Variants in MARK3 observed in about 807,000 individuals in gnomAD.
MARK3 encodes MAP/microtubule affinity-regulating kinase 3.
In MARK3, 46 loss-of-function variants were observed where a neutral mutation model predicts 90.1. That is an observed-to-expected ratio of 0.51 (90% CI 0.40 to 0.65). The LOEUF is 0.65. Among genes scored for constraint, MARK3 ranks in the 30% least tolerant of loss-of-function variants. The probability of loss-of-function intolerance (pLI) is 0.00; values close to 1 mark genes in which losing one functional copy is unlikely to be tolerated. For missense variants in MARK3, 818 were observed against 947.2 expected, an observed-to-expected ratio of 0.86 and a Z score of 1.79; for synonymous variants, 321 against 332.6, an observed-to-expected ratio of 0.97 and a Z score of 0.38.
At chr14:103,392,913 G>A (rs933512743) in intron 1 of MARK3, among the ~76,000 whole-genome samples, 13 of 151,232 alleles carry the variant, frequency 8.6e-5, no homozygotes, top group African/African-American at 2.7e-4. Context: ...GGGTTCAAGC[G>A]ATTCTCCTGC....
Position 103,451,921 on chromosome 14 carries a change from A to G in MARK3, c.350A>G (p.Lys117Arg), listed in dbSNP as rs753672663. ...CGTGTCCTCTCCTCTCCCGCAGTGA[A>G]GTTATTCGAAGTCATTGAAACTGAA... ...MKILNHPNIVKLFEVIETEKT... is the reference protein window; with the variant it reads ...MKILNHPNIVRLFEVIETEKT... The change falls in exon 5 of 18, where the codon AAG (lysine) becomes AGG (arginine). Residue 117 changes from lysine (K) to arginine (R), a missense_variant. Physicochemically the swap from Lys to Arg is conservative, Grantham distance 26. This residue lies in a region of MARK3 where 157 missense variants were observed against 158.7 expected (regional missense o/e 0.99). Coordinates refer to ENST00000429436, the MANE Select transcript of MARK3 (RefSeq NM_001128918.3). The G allele has an allele frequency of 1.2e-6, 2 of 1,610,166 alleles. No homozygotes were observed. Among genetic ancestry groups the G allele is most frequent in the Non-Finnish European group, 1.7e-6 (2 of 1,177,276 alleles).
rs146206775 is a variant in MARK3 at position 103,466,742 on chromosome 14, C to T, written c.997+300C>T. ...ATTTCTGGCCGGGCGTGGTGGCTCACGCCTGTAATCCCAGCACTTTGGGAG... is the reference window on the plus strand; with the variant it reads ...ATTTCTGGCCGGGCGTGGTGGCTCATGCCTGTAATCCCAGCACTTTGGGAG... On this transcript the variant is annotated intron_variant, in intron 10 of 17. Coordinates refer to ENST00000429436, the MANE Select transcript of MARK3 (RefSeq NM_001128918.3). 7.1e-3 allele frequency among the ~76,000 whole-genome samples: 1,084 copies of T among 152,070 alleles called. 4 individuals carry two copies. Among genetic ancestry groups the T allele is most frequent in the South Asian group, 0.028 (135 of 4,814 alleles).
chr14:103,458,662 A>C (rs558690465), intron 6 of MARK3: 2 of 634,068 alleles, frequency 3.2e-6, no homozygotes, highest in East Asian at 5.7e-5. Context: ...CAAGGCCTAC[A>C]TTGAAATGGA....
Position 103,386,080 on chromosome 14 carries a change from C to G in MARK3, c.51C>G (p.Asn17Lys), listed in dbSNP as rs1319306809. The G allele has an allele frequency of 3.1e-6, 5 of 1,614,096 alleles. No homozygotes were observed. Among genetic ancestry groups the G allele is most frequent in the Non-Finnish European group, 3.4e-6 (4 of 1,179,902 alleles). ...CGGTGAATGAACGAGACACTGAAAA[C>G]GTAAGTAACCTGGGCGTTGTAGTTG... ...LPTVNERDTE[N>K]HTSHGDGRQE... Residue 17 changes from asparagine (N) to lysine (K), a missense_variant and splice_region_variant, in exon 1 of 18, where the codon AAC becomes AAG. Asn to Lys is a moderately conservative substitution (Grantham distance 94, BLOSUM62 0). Coordinates refer to ENST00000429436, the MANE Select transcript of MARK3 (RefSeq NM_001128918.3).
chr14:103,475,203 TCC>T lies in MARK3; in HGVS notation c.1477_1478del (p.Pro493Ter). 2 of 1,612,880 alleles carry T rather than the reference TCC, an allele frequency of 1.2e-6. No individual in the cohort carries two copies. Among genetic ancestry groups the T allele is most frequent in the Non-Finnish European group, 1.7e-6 (2 of 1,179,882 alleles). On this transcript the variant is annotated frameshift_variant, in exon 13 of 18. Transcript: ENST00000429436. LOFTEE classifies it high-confidence loss of function. Reference sequence around the variant, plus strand: ...CCTGAACGCAAGAAAAGCTCCACTGTCCCTAGTGTAAGTGTTGTTGAACTATA... The same window carrying T: ...CCTGAACGCAAGAAAAGCTCCACTGTCTAGTGTAAGTGTTGTTGAACTATA...
chr14:103,449,857 C>T (rs185565384), intron 4 of MARK3, among the ~76,000 whole-genome samples: 33 of 152,140 alleles, frequency 2.2e-4, no homozygotes, highest in Admixed American at 5.2e-4. Flanking sequence ...TTAAGACAGC[C>T]CATAATCAGC....
chr14:103,414,005 G>A (rs766974610), intron 2 of MARK3, among the ~76,000 whole-genome samples: 19 of 152,144 alleles, frequency 1.2e-4, no homozygotes, highest in African/African-American at 3.4e-4. Flanking sequence ...TAGAACTCCT[G>A]TACAGGTTTT....
chr14:103,421,121 G>A (rs2092201749), intron 2 of MARK3, among the ~76,000 whole-genome samples: 1 of 152,306 alleles, frequency 6.6e-6, no homozygotes, highest in South Asian at 2.1e-4. Flanking sequence ...GCTTTACAAA[G>A]AAGATGCACG....
chr14:103,477,507 A>C (rs1490062230), intron 13 of MARK3, among the ~76,000 whole-genome samples: 2 of 152,072 alleles, frequency 1.3e-5, no homozygotes, highest in Non-Finnish European at 2.9e-5. Context: ...ATAAAAAAAA[A>C]AGTCCATAGC....
rs774692178 is a variant in MARK3, at chr14:103,480,421, A to T, written c.1517A>T (p.Asn506Ile). The T allele has an allele frequency of 6.2e-7, 1 of 1,613,682 alleles. No homozygotes were observed. The highest frequency in any genetic ancestry group is 1.1e-5 in the South Asian group (1 of 91,026). The change falls in exon 14 of 18, where the codon AAT (asparagine) becomes ATT (isoleucine). Residue 506 changes from asparagine (N) to isoleucine (I), a missense_variant. Asn to Ile is a moderately radical substitution (Grantham distance 149). Coordinates refer to ENST00000429436, the MANE Select transcript of MARK3 (RefSeq NM_001128918.3). ...NTASGGMTRR[N>I]TYVCSERTTA... ...GCATCTGGTGGAATGACACGACGAAATACTTATGTTTGCAGTGAGAGAACT... is the reference window on the plus strand; with the variant it reads ...GCATCTGGTGGAATGACACGACGAATTACTTATGTTTGCAGTGAGAGAACT...
intron 14 of MARK3, among the ~76,000 whole-genome samples, chr14:103,480,823 C>T (rs2093806212): frequency 2.6e-5 from 4 of 152,138 alleles, no homozygotes; most frequent in Admixed American, 2.6e-4. Flanking sequence ...TCATTAATAA[C>T]TTGAACAAAA....
At chr14:103,455,815 T>C (rs1382793463) in intron 5 of MARK3, among the ~76,000 whole-genome samples, 1 of 151,734 alleles carries the variant, frequency 6.6e-6, no homozygotes, top group Non-Finnish European at 1.5e-5. Context: ...TCTTTCAGAG[T>C]TAGGGTTAAT....
chr14:103,458,470 A>G (rs1035407757), intron 6 of MARK3, among the ~76,000 whole-genome samples: 1 of 147,534 alleles, frequency 6.8e-6, no homozygotes, highest in African/African-American at 2.5e-5. Context: ...AAAAAAAAAA[A>G]AAAAAGAAGC....
intron 15 of MARK3, among the ~76,000 whole-genome samples, chr14:103,494,644 C>CT (rs1277845879): frequency 2.0e-5 from 3 of 150,198 alleles, no homozygotes; most frequent in Non-Finnish European, 4.4e-5. Flanking sequence ...TCAGCTACCT[C>CT]TTTTTTTTTC....
At chr14:103,396,463 A>G (rs1262401696) in intron 1 of MARK3, among the ~76,000 whole-genome samples, 1 of 151,420 alleles carries the variant, frequency 6.6e-6, no homozygotes, top group Non-Finnish European at 1.5e-5. Context: ...TTTCATATTA[A>G]TGGAGTTTGG....
Position 103,503,223 on chromosome 14 carries a change from T to C in MARK3, c.2258T>C (p.Leu753Pro). ...IASKIANELK[L>P] ...TCCAAAATTGCCAATGAGCTAAAGCTGTAACCCAGTGATTATGATGTAAAT... is the reference window on the plus strand; with the variant it reads ...TCCAAAATTGCCAATGAGCTAAAGCCGTAACCCAGTGATTATGATGTAAAT... The change falls in exon 18 of 18, where the codon CTG becomes CCG. Residue 753 changes from leucine to proline, a missense_variant. Physicochemically the swap from Leu to Pro is moderately conservative, Grantham distance 98. Around this residue, in one of 3 missense-constraint regions of MARK3, gnomAD observed 560 missense variants for 613.5 expected, o/e 0.91. Coordinates refer to ENST00000429436, the MANE Select transcript of MARK3 (RefSeq NM_001128918.3). 6.2e-7 allele frequency: 1 copy of C among 1,603,088 alleles called. No individual in the cohort carries two copies.
chr14:103,474,079 C>T (rs1358344453), intron 12 of MARK3, among the ~76,000 whole-genome samples: 2 of 151,546 alleles, frequency 1.3e-5, no homozygotes, highest in African/African-American at 2.4e-5. Flanking sequence ...TTGGCATGCG[C>T]CTGTAGTTTC....
intron 12 of MARK3, among the ~76,000 whole-genome samples, chr14:103,472,510 G>A (rs1162792129): frequency 6.6e-6 from 1 of 151,638 alleles, no homozygotes; most frequent in African/African-American, 2.4e-5. Context: ...AGCTGAGCTT[G>A]GTGTCAAGTG....
intron 14 of MARK3, among the ~76,000 whole-genome samples, chr14:103,487,197 G>A (rs55790309): frequency 0.15 from 23,250 of 151,110 alleles, 2,286 homozygotes; most frequent in Middle Eastern, 0.26. Context: ...GATTACAGGC[G>A]TGGGCCACCA....
Sources: gnomAD v4.1 joint callset for allele counts (sites outside exome capture counted in the v4.1 genomes callset) on GRCh38, gnomAD v4.1.1 for gene constraint, gnomAD v4.1.1 regional missense constraint, MANE v1.5 for transcripts, NCBI Gene and HGNC (gene_info 2026-07-23, HGNC 2026-07-21) for gene names.